MAGI2: variants seen among roughly 807,000 people sequenced by gnomAD.
MAGI2 encodes the protein membrane associated guanylate kinase, WW and PDZ domain containing 2.
A neutral mutation model predicts 133.3 loss-of-function variants in MAGI2; 35 were observed. That is an observed-to-expected ratio of 0.26 (90% CI 0.20 to 0.35). The LOEUF (loss-of-function observed/expected upper bound fraction) is 0.35. Among genes scored for constraint, MAGI2 ranks in the 10% least tolerant of loss-of-function variants. MAGI2 has a pLI of 1.00. For synonymous variants in MAGI2, 729 were observed against 710.6 expected, an observed-to-expected ratio of 1.03 and a Z score of -0.41; for missense variants, 1,636 against 1,863.4, an observed-to-expected ratio of 0.88 and a Z score of 2.25.
chr7:78,360,391 T>G (rs1161248426), intron 7 of MAGI2, among the ~76,000 whole-genome samples: 1 of 152,204 alleles, frequency 6.6e-6, no homozygotes, highest in African/African-American at 2.4e-5. Flanking sequence ...TAGGGTAATT[T>G]TGACTCAGCC....
At chr7:78,361,125 G>C (rs777694389) in intron 7 of MAGI2, among the ~76,000 whole-genome samples, 3 of 152,170 alleles carry the variant, frequency 2.0e-5, no homozygotes, top group Non-Finnish European at 4.4e-5. Flanking sequence ...GCCAGGCGTG[G>C]TGGCTCACTC....
At chr7:78,218,610 C>G (rs1044265770) in intron 10 of MAGI2, among the ~76,000 whole-genome samples, 2 of 152,158 alleles carry the variant, frequency 1.3e-5, no homozygotes. Flanking sequence ...AACAAAGAAG[C>G]CTGCAAACAA....
chr7:78,833,411 G>A (rs1414598825), intron 2 of MAGI2, among the ~76,000 whole-genome samples: 1 of 152,128 alleles, frequency 6.6e-6, no homozygotes, highest in Non-Finnish European at 1.5e-5. Context: ...GGGACCAGAA[G>A]GCAGTGACCC....
intron 16 of MAGI2, among the ~76,000 whole-genome samples, chr7:78,148,194 A>C (rs911091511): frequency 6.6e-6 from 1 of 152,224 alleles, no homozygotes; most frequent in Non-Finnish European, 1.5e-5. Flanking sequence ...ATACAATGGA[A>C]TATTATTCAG....
intron 3 of MAGI2, among the ~76,000 whole-genome samples, chr7:78,584,142 C>A (rs1803140588): frequency 6.6e-6 from 1 of 152,122 alleles, no homozygotes; most frequent in Non-Finnish European, 1.5e-5. Context: ...GACACTGGGG[C>A]CGGGCACGGT....
chr7:78,293,687 A>T (rs1442724168), intron 9 of MAGI2, among the ~76,000 whole-genome samples: 1 of 152,190 alleles, frequency 6.6e-6, no homozygotes, highest in Non-Finnish European at 1.5e-5. Flanking sequence ...AACCAACCCA[A>T]ATGTCCATCA....
At position 78,194,990 on chromosome 7, in the gene MAGI2, G is replaced by A; in HGVS notation, c.2153C>T (p.Pro718Leu). ...LSAPAIPQNL[P>L]FPPALHRSSF... ...GCTCCTGTGAAGGGCAGGTGGGAAG[G>A]GCAGGTTCTGCGGTATGGCCGGAGC... is the stretch of plus-strand genomic sequence containing the variant. Residue 718 changes from proline to leucine, a missense_variant, in exon 12 of 22, where the codon CCC becomes CTC. By Grantham distance (98) the Pro-to-Leu change is moderately conservative. Transcript: ENST00000354212. 6.2e-7 allele frequency: 1 copy of A among 1,614,104 alleles called. No individual in the cohort carries two copies. Among genetic ancestry groups the A allele is most frequent in the Non-Finnish European group, 8.5e-7 (1 of 1,179,976 alleles).
chr7:78,186,686 ATT>A (rs1827728079), intron 12 of MAGI2, among the ~76,000 whole-genome samples: 1 of 152,294 alleles, frequency 6.6e-6, no homozygotes, highest in African/African-American at 2.4e-5. Flanking sequence ...TGCATAAGGT[ATT>A]CTATACTATC....
chr7:78,321,227 T>C (rs190231134), intron 9 of MAGI2, among the ~76,000 whole-genome samples: 355 of 152,260 alleles, frequency 2.3e-3, no homozygotes, highest in African/African-American at 6.5e-3. Flanking sequence ...GCCATCCCCA[T>C]CAAGCTACCA....
intron 20 of MAGI2, among the ~76,000 whole-genome samples, chr7:78,104,380 G>A (rs1054858326): frequency 3.3e-5 from 5 of 151,816 alleles, no homozygotes; most frequent in South Asian, 2.1e-4. Context: ...CCGCCACCAC[G>A]CCCAGTTAAT....
In MAGI2 at chr7:78,728,884, T is replaced by G. The variant is rs567532668; in HGVS notation, c.419-101645A>C. Among the ~76,000 whole-genome samples the G allele has an allele frequency of 2.0e-4, 31 of 152,232 alleles. 1 individual carries two copies. In the South Asian group the frequency reaches 6.0e-3, roughly 30 times the overall value. The stretch of plus-strand genomic sequence containing the variant: ...CCGGCCCCATCTTTCTCTGATCTTT[T>G]TATATCTGAAAAAATGATTCATCTT... On this transcript the variant is annotated intron_variant, in intron 2 of 21. Transcript: ENST00000354212.
intron 21 of MAGI2, among the ~76,000 whole-genome samples, chr7:78,074,530 T>G (rs1205474166): frequency 6.6e-6 from 1 of 152,070 alleles, no homozygotes; most frequent in Non-Finnish European, 1.5e-5. Flanking sequence ...ATGATTAGGG[T>G]GCATTAGGAA....
chr7:78,723,905 C>A lies in MAGI2; in HGVS notation c.419-96666G>T, dbSNP rs186956380. Among the ~76,000 whole-genome samples, 31 of 152,170 alleles carry A rather than the reference C, an allele frequency of 2.0e-4. 1 individual carries two copies. The East Asian group carries it at 5.0e-3, about 25-fold the overall frequency. On this transcript the variant is annotated intron_variant, in intron 2 of 21. Coordinates refer to ENST00000354212, the MANE Select transcript of MAGI2 (RefSeq NM_012301.4). ...GGAGGCAAAACAGAACATGACGAAG[C>A]CACACTCGGGAATAACATTGAGGAG...
At chr7:78,443,960 G>T (rs73370267) in intron 6 of MAGI2, among the ~76,000 whole-genome samples, 14,796 of 152,082 alleles carry the variant, frequency 0.097, 753 homozygotes, top group African/African-American at 0.14. Flanking sequence ...TTTTCTTTAT[G>T]TTCTTATCAC....
chr7:79,092,349 G>T (rs1817136152), intron 1 of MAGI2, among the ~76,000 whole-genome samples: 1 of 152,078 alleles, frequency 6.6e-6, no homozygotes, highest in Non-Finnish European at 1.5e-5. Flanking sequence ...TAACTATAAT[G>T]TATCTGTCAT....
At position 79,024,524 on chromosome 7, in the gene MAGI2, A is replaced by G. The variant is rs1014537187; in HGVS notation, c.302-17318T>C. 1.4e-3 allele frequency among the ~76,000 whole-genome samples: 217 copies of G among 152,074 alleles called. 1 individual carries two copies. Among genetic ancestry groups the G allele is most frequent in the African/African-American group, 4.9e-3 (202 of 41,484 alleles). Reference sequence around the variant, plus strand: ...AAAGAGCTTCTGCATAGCAAAACAAAACAAAACAAAACAAAACAAAAAACT... The same window carrying G: ...AAAGAGCTTCTGCATAGCAAAACAAGACAAAACAAAACAAAACAAAAAACT... On this transcript the variant is annotated intron_variant, in intron 1 of 21. Transcript: ENST00000354212.
intron 1 of MAGI2, among the ~76,000 whole-genome samples, chr7:79,407,469 C>T (rs1845883031): frequency 1.3e-5 from 2 of 152,040 alleles, no homozygotes; most frequent in African/African-American, 4.8e-5. Context: ...ACAAGAGTTC[C>T]CTCTGAAACA....
intron 1 of MAGI2, among the ~76,000 whole-genome samples, chr7:79,329,479 T>C (rs1181439446): frequency 6.6e-6 from 1 of 152,350 alleles, no homozygotes; most frequent in East Asian, 1.9e-4. Flanking sequence ...CAAGGCAAAG[T>C]AAAATAATAC....
At chr7:78,413,763 C>T (rs1798058795) in intron 6 of MAGI2, among the ~76,000 whole-genome samples, 1 of 151,872 alleles carries the variant, frequency 6.6e-6, no homozygotes, top group Non-Finnish European at 1.5e-5. Flanking sequence ...TGGGGTCAAT[C>T]CTGTCACATG....
Sources: allele counts gnomAD v4.1 joint callset (sites outside exome capture counted in the v4.1 genomes callset), GRCh38; gene constraint gnomAD v4.1.1; transcripts MANE v1.5; gene names NCBI Gene and HGNC (gene_info 2026-07-23, HGNC 2026-07-21).